Variants in NF1 observed in about 807,000 individuals in gnomAD.
The protein encoded by NF1 is neurofibromin 1.
A neutral mutation model predicts 325.7 loss-of-function variants in NF1; 122 were observed. The observed-to-expected ratio is 0.37, with a 90% CI of 0.32 to 0.44. The LOEUF (loss-of-function observed/expected upper bound fraction) is 0.44, where lower values mean the gene tolerates loss of function less well. Ranked by LOEUF, NF1 falls within the 20% of genes least tolerant of loss-of-function variation. The pLI, the probability that NF1 is intolerant of heterozygous loss-of-function variation, is 1.00. For missense variants in NF1, 2,140 were observed against 3,415.4 expected, an observed-to-expected ratio of 0.63 and a Z score of 9.31; for synonymous variants, 1,091 against 1,186.0, an observed-to-expected ratio of 0.92 and a Z score of 1.65.
At chr17:31,119,188 G>T (rs145234550) in intron 1 of NF1, among the ~76,000 whole-genome samples, 2 of 151,962 alleles carry the variant, frequency 1.3e-5, no homozygotes, top group African/African-American at 4.8e-5. Context: ...TAATCTGCCC[G>T]CCTCGGCCTC....
chr17:31,302,527 C>T (rs2068598144), intron 36 of NF1, among the ~76,000 whole-genome samples: 1 of 152,096 alleles, frequency 6.6e-6, no homozygotes. Context: ...CAGATTGCTG[C>T]TGGGGAAATT....
At chr17:31,304,289 G>A (rs749997264) in intron 36 of NF1, 1 of 1,612,128 alleles carries the variant, frequency 6.2e-7, no homozygotes, top group East Asian at 2.2e-5. Context: ...GGTGGAGGTG[G>A]CAGGGATTCA....
Position 31,095,246 on chromosome 17 carries a change from C to T in NF1, c.-64C>T, listed in dbSNP as rs1161447819. ...CCTCACCTCAGCCTCCGCTCCCCGC[C>T]CTCTTCCCGGCCCAGGGCGCCGGCC... On this transcript the variant is annotated 5_prime_UTR_variant, in exon 1 of 58. Transcript: ENST00000358273. The T allele has an allele frequency of 1.4e-6, 2 of 1,472,528 alleles. No homozygotes were observed. The highest frequency in any genetic ancestry group is 1.8e-6 in the Non-Finnish European group (2 of 1,090,872). The allele number at this position is 1,472,528 out of a possible 1,614,324, so 91.2% of individuals were successfully genotyped here.
At chr17:31,355,295 G>C (rs2070244255) in intron 51 of NF1, among the ~76,000 whole-genome samples, 1 of 152,168 alleles carries the variant, frequency 6.6e-6, no homozygotes, top group South Asian at 2.1e-4. Context: ...TAGAAAACCT[G>C]AGTTTTCCAT....
chr17:31,291,920 A>C (rs1031652494), intron 36 of NF1, among the ~76,000 whole-genome samples: 13 of 152,152 alleles, frequency 8.5e-5, no homozygotes, highest in Admixed American at 3.3e-4. Context: ...CATATATGGG[A>C]ATTTCTCATA....
chr17:31,243,777 A>T (rs1247595551), intron 29 of NF1, among the ~76,000 whole-genome samples: 1 of 151,534 alleles, frequency 6.6e-6, no homozygotes, highest in Non-Finnish European at 1.5e-5. Context: ...GGAATCTGGG[A>T]CCCCAGGAGC....
At chr17:31,204,582 A>G (rs2066587868) in intron 11 of NF1, among the ~76,000 whole-genome samples, 1 of 151,992 alleles carries the variant, frequency 6.6e-6, no homozygotes. Context: ...TAAAATGAAT[A>G]TATTATGAAA....
chr17:31,294,249 G>A lies in NF1; in HGVS notation c.4835+28910G>A, dbSNP rs147651193. On this transcript the variant is annotated intron_variant, in intron 36 of 57. Coordinates refer to ENST00000358273, the MANE Select transcript of NF1 (RefSeq NM_001042492.3). ...GGTGTGTTAAATCTGCACTAAAACT[G>A]CTTCTTTACATGTTTTTAAATTTTT... is the stretch of plus-strand genomic sequence containing the variant. Among the ~76,000 whole-genome samples, 247 of 152,100 alleles carry A rather than the reference G, an allele frequency of 1.6e-3. 2 individuals carry two copies. The highest frequency in any genetic ancestry group is 5.7e-3 in the African/African-American group (235 of 41,488).
chr17:31,294,225 G>T lies in NF1; in HGVS notation c.4835+28886G>T, dbSNP rs926638115. On this transcript the variant is annotated intron_variant, in intron 36 of 57. Coordinates refer to ENST00000358273, the MANE Select transcript of NF1 (RefSeq NM_001042492.3). The stretch of plus-strand genomic sequence containing the variant: ...TAAATATTTAAATTCTCCATTAATG[G>T]TGTGTTAAATCTGCACTAAAACTGC... Among the ~76,000 whole-genome samples the T allele has an allele frequency of 7.9e-5, 12 of 151,982 alleles. 1 individual carries two copies. The highest frequency in any genetic ancestry group is 7.2e-4 in the Admixed American group (11 of 15,248).
chr17:31,366,914 A>G (rs1209260155), intron 57 of NF1, among the ~76,000 whole-genome samples: 1 of 152,038 alleles, frequency 6.6e-6, no homozygotes, highest in African/African-American at 2.4e-5. Flanking sequence ...AATAATTTTA[A>G]ATTGAGCGAT....
intron 11 of NF1, among the ~76,000 whole-genome samples, chr17:31,203,958 A>G (rs1282737211): frequency 1.3e-5 from 2 of 152,132 alleles, no homozygotes; most frequent in Non-Finnish European, 2.9e-5. Context: ...AATCTAAAAT[A>G]TATCCACTAT....
chr17:31,377,069 T>G lies in NF1; in HGVS notation c.*2914T>G, dbSNP rs886869415. On this transcript the variant is annotated 3_prime_UTR_variant, in exon 58 of 58. Transcript: ENST00000358273. ...TTTTGTTTGGGTTTTTTGTTTTTTG[T>G]TTTTGTTTCTACATCCTTCCCCGAC... 4.7e-5 allele frequency: 11 copies of G among 233,530 alleles called. No homozygotes were observed. The highest frequency in any genetic ancestry group is 2.4e-4 in the African/African-American group (11 of 45,304). 14.5% of individuals were successfully genotyped at this position (233,530 alleles called of 1,614,324 possible).
intron 36 of NF1, among the ~76,000 whole-genome samples, chr17:31,271,346 G>A (rs1032287197): frequency 9.6e-5 from 14 of 145,930 alleles, no homozygotes; most frequent in African/African-American, 2.4e-4. Flanking sequence ...TTTTCTTAGC[G>A]AAATGACATA....
chr17:31,295,011 A>C (rs2068430651), intron 36 of NF1: 2 of 1,614,012 alleles, frequency 1.2e-6, no homozygotes, highest in South Asian at 2.2e-5. Context: ...GCAGACCCTC[A>C]GACAGCCAGC....
Position 31,375,028 on chromosome 17 carries a change from A to G in NF1, c.*873A>G. The G allele has an allele frequency of 5.8e-6, 1 of 171,462 alleles. No homozygotes were observed. The highest frequency in any genetic ancestry group is 1.1e-5 in the Non-Finnish European group (1 of 89,562). The allele number at this position is 171,462 out of a possible 1,614,324, so 10.6% of individuals were successfully genotyped here. A position where few individuals can be genotyped will look rare whatever the true frequency, so the allele number is the denominator to read the frequency against. ...GTATAGTAATTATATATATATATATATTTTTTCCCCTCCCCCTCTTCTTTC... is the reference window on the plus strand; with the variant it reads ...GTATAGTAATTATATATATATATATGTTTTTTCCCCTCCCCCTCTTCTTTC... On this transcript the variant is annotated 3_prime_UTR_variant, in exon 58 of 58. Coordinates refer to ENST00000358273, the MANE Select transcript of NF1 (RefSeq NM_001042492.3).
At chr17:31,210,963 A>C (rs550815187) in intron 12 of NF1, among the ~76,000 whole-genome samples, 3 of 152,234 alleles carry the variant, frequency 2.0e-5, no homozygotes, top group Non-Finnish European at 2.9e-5. Context: ...TCCTGCTTTC[A>C]TAAAATTCAA....
chr17:31,115,878 T>C (rs1913859615), intron 1 of NF1, among the ~76,000 whole-genome samples: 1 of 152,180 alleles, frequency 6.6e-6, no homozygotes, highest in African/African-American at 2.4e-5. Context: ...TCCATGTATG[T>C]AGAGTTTTTG....
At position 31,249,217 on chromosome 17, in the gene NF1, A is replaced by G. The variant is rs1024050502; in HGVS notation, c.4110+98A>G. On this transcript the variant is annotated intron_variant, in intron 30 of 57. Transcript: ENST00000358273. The stretch of plus-strand genomic sequence containing the variant: ...TCTAGCTGCTGATGGTGTGTGGTTA[A>G]CTATAATACTGAGTCAGTTTGGATG... 2.2e-6 allele frequency: 3 copies of G among 1,335,754 alleles called. No homozygotes were observed. The Admixed American group carries it at 5.0e-5, about 22-fold the overall frequency. 82.7% of individuals were successfully genotyped at this position (1,335,754 alleles called of 1,614,324 possible).
chr17:31,100,638 C>T (rs972535928), intron 1 of NF1, among the ~76,000 whole-genome samples: 2 of 152,114 alleles, frequency 1.3e-5, no homozygotes, highest in African/African-American at 4.8e-5. Flanking sequence ...GGCGCGATCT[C>T]AGCTCACTGC....
Sources: allele counts gnomAD v4.1 joint callset (sites outside exome capture counted in the v4.1 genomes callset), GRCh38; gene constraint gnomAD v4.1.1; transcripts MANE v1.5; gene names NCBI Gene and HGNC (gene_info 2026-07-23, HGNC 2026-07-21).